SORT1: variants seen among roughly 807,000 people sequenced by gnomAD.
The protein encoded by SORT1 is sortilin 1.
A neutral mutation model predicts 101.7 loss-of-function variants in SORT1; 39 were observed. The observed-to-expected ratio is 0.38, with a 90% confidence interval of 0.30 to 0.50. The LOEUF (loss-of-function observed/expected upper bound fraction) is 0.50. Among genes scored for constraint, SORT1 ranks in the 20% least tolerant of loss-of-function variants. SORT1 has a pLI of 0.90. For synonymous variants in SORT1, 396 were observed against 393.7 expected (o/e 1.01, Z -0.07); for missense variants, 878 against 1,040.4 (o/e 0.84, Z 2.15).
chr1:109,376,046 T>A (rs1335725741), intron 1 of SORT1, among the ~76,000 whole-genome samples: 3 of 152,170 alleles, frequency 2.0e-5, no homozygotes, highest in African/African-American at 7.2e-5. Context: ...TGGAGATTTC[T>A]CAAAGAACTT....
intron 1 of SORT1, chr1:109,397,143 T>G (rs1381608544): frequency 6.6e-6 from 1 of 152,266 alleles, no homozygotes; most frequent in Non-Finnish European, 1.5e-5. Context: ...ACCAGATCGC[T>G]GCTTCGGGCC....
At chr1:109,340,620 G>T in intron 10 of SORT1, 104 bp downstream of exon 10, 7 of 1,144,670 alleles carry the variant, frequency 6.1e-6, no homozygotes, top group Non-Finnish European at 9.0e-6. Flanking sequence ...GGGTAGGCTT[G>T]TTGGCTTGGC....
intron 8 of SORT1, among the ~76,000 whole-genome samples, chr1:109,343,731 C>A (rs1369703070): frequency 6.6e-6 from 1 of 152,198 alleles, no homozygotes; most frequent in Non-Finnish European, 1.5e-5. Flanking sequence ...TCACTGCAAC[C>A]TCCGTCTCCA....
intron 1 of SORT1, among the ~76,000 whole-genome samples, chr1:109,395,208 CTTTTTTTTTTTTTTTT>C (rs71069681): frequency 4.7e-5 from 2 of 42,600 alleles, no homozygotes; most frequent in African/African-American, 9.2e-5. Context: ...AACGCAAAAA[CTTTTTTTTTTTTTTTT>C]TTTTTTTTTT....
chr1:109,327,786 A>C (rs1648184492), intron 11 of SORT1, among the ~76,000 whole-genome samples, 185 bp from the exon 12 acceptor site: 1 of 152,224 alleles, frequency 6.6e-6, no homozygotes, highest in South Asian at 2.1e-4. Context: ...ACATTGTTGT[A>C]CAACCACATC....
chr1:109,369,475 A>T lies in SORT1; in HGVS notation c.366+55T>A, dbSNP rs1651338713. 16 of 1,155,640 alleles carry T rather than the reference A, an allele frequency of 1.4e-5. No individual in the cohort carries two copies. The South Asian group carries it at 2.0e-4, about 14-fold the overall frequency. 71.6% of individuals were successfully genotyped at this position (1,155,640 alleles called of 1,614,324 possible). A position where few individuals can be genotyped will look rare whatever the true frequency, so the allele number is the denominator to read the frequency against. On this transcript the variant is annotated intron_variant, in intron 2 of 19. Coordinates refer to ENST00000256637, the MANE Select transcript of SORT1 (RefSeq NM_002959.7). ...ATATTAGGTGCTTAACCCTTCCCCAAATCTGTTATCATCTTCTTGCTGGGC... is the reference window on the plus strand; with the variant it reads ...ATATTAGGTGCTTAACCCTTCCCCATATCTGTTATCATCTTCTTGCTGGGC...
intron 8 of SORT1, among the ~76,000 whole-genome samples, chr1:109,345,312 C>T (rs1649506490): frequency 6.6e-6 from 1 of 151,988 alleles, no homozygotes; most frequent in Non-Finnish European, 1.5e-5. Context: ...CTCAGGAGTT[C>T]AAGACCAGCC....
At chr1:109,378,701 TATATATATATATATATATATATATATATA>T (rs1652017599) in intron 1 of SORT1, among the ~76,000 whole-genome samples, 1 of 1,014 alleles carries the variant, frequency 9.9e-4, no homozygotes, top group African/African-American at 1.3e-3. Flanking sequence ...GAGTGAATGA[TATATATATATATATATATATATATATATA>T]TATATATATA....
chr1:109,367,882 G>T (rs113558077), intron 2 of SORT1, among the ~76,000 whole-genome samples: 1,629 of 152,178 alleles, frequency 0.011, 17 homozygotes, highest in South Asian at 0.047. Flanking sequence ...TCTCCTTGCC[G>T]TTGGTTCTTC....
At chr1:109,364,449 A>G (rs1298161010) in intron 3 of SORT1, among the ~76,000 whole-genome samples, 1 of 152,236 alleles carries the variant, frequency 6.6e-6, no homozygotes, top group African/African-American at 2.4e-5. Context: ...AACATCCCCT[A>G]TGACACAAAT....
chr1:109,310,178 CATAT>C lies in SORT1; in HGVS notation c.*3861_*3864del, dbSNP rs1457776707. 1 of 152,584 alleles carries C rather than the reference CATAT, an allele frequency of 6.6e-6. No individual in the cohort carries two copies. The highest frequency in any genetic ancestry group is 2.4e-5 in the African/African-American group (1 of 41,416). 9.5% of individuals were successfully genotyped at this position (152,584 alleles called of 1,614,324 possible). A position where few individuals can be genotyped will look rare whatever the true frequency, so the allele number is the denominator to read the frequency against. On this transcript the variant is annotated 3_prime_UTR_variant, in exon 20 of 20. Transcript: ENST00000256637. Reference sequence around the variant, plus strand: ...TTATATATGTATATATGTACACACACATATATATAAAGGTACAGATTAGTTTATG... The same window carrying C: ...TTATATATGTATATATGTACACACACATATAAAGGTACAGATTAGTTTATG...
chr1:109,317,723 C>T, intron 16 of SORT1, 130 bp downstream of exon 16: 1 of 675,160 alleles, frequency 1.5e-6, no homozygotes, highest in South Asian at 1.8e-5. Flanking sequence ...CCTTCATATC[C>T]TGCCCCTCCC....
At chr1:109,390,665 T>G (rs1652844833) in intron 1 of SORT1, among the ~76,000 whole-genome samples, 1 of 152,066 alleles carries the variant, frequency 6.6e-6, no homozygotes, top group South Asian at 2.1e-4. Context: ...ATACAAATTT[T>G]CCTTCCCAGT....
At chr1:109,333,528 G>T (rs1004040961) in intron 11 of SORT1, among the ~76,000 whole-genome samples, 4 of 152,032 alleles carry the variant, frequency 2.6e-5, no homozygotes, top group Non-Finnish European at 5.9e-5. Flanking sequence ...CTTATAAGGG[G>T]TTAATATCCA....
At chr1:109,340,607 C>A in intron 10 of SORT1, 117 bp downstream of exon 10, 11 of 995,828 alleles carry the variant, frequency 1.1e-5, no homozygotes, top group East Asian at 2.5e-5. Context: ...AAAAAATGTA[C>A]ATGGGTAGGC....
chr1:109,390,819 A>G (rs1012172192), intron 1 of SORT1, among the ~76,000 whole-genome samples: 1 of 151,408 alleles, frequency 6.6e-6, no homozygotes, highest in Non-Finnish European at 1.5e-5. Context: ...GTTTTAGGAC[A>G]TACAGGAAGA....
intron 1 of SORT1, among the ~76,000 whole-genome samples, chr1:109,383,611 C>T (rs1652392295): frequency 6.6e-6 from 1 of 152,158 alleles, no homozygotes; most frequent in Non-Finnish European, 1.5e-5. Context: ...CATCGGTGAT[C>T]CCATACAGAC....
At chr1:109,341,902 A>G in intron 9 of SORT1, 112 bp downstream of exon 9, 1 of 996,202 alleles carries the variant, frequency 1.0e-6, no homozygotes, top group Non-Finnish European at 1.6e-6. Flanking sequence ...AAAAATCAGT[A>G]GGGCACTAAT....
intron 15 of SORT1, among the ~76,000 whole-genome samples, chr1:109,322,702 TTTTG>T (rs367972942): frequency 5.9e-5 from 9 of 152,224 alleles, no homozygotes; most frequent in East Asian, 1.9e-4. Flanking sequence ...GCTAATTTTT[TTTTG>T]TTTGTTTGTT....
Sources: gnomAD v4.1 joint callset for allele counts (sites outside exome capture counted in the v4.1 genomes callset) on GRCh38, gnomAD v4.1.1 for gene constraint, MANE v1.5 for transcripts, NCBI Gene and HGNC (gene_info 2026-07-23, HGNC 2026-07-21) for gene names.